TENM3: variants seen among roughly 807,000 people sequenced by gnomAD.
The protein encoded by TENM3 is teneurin-3.
A neutral mutation model predicts 255.1 loss-of-function variants in TENM3; 63 were observed. The ratio of observed to expected loss-of-function variants is 0.25; its 90% confidence interval spans 0.20 to 0.30. The LOEUF (loss-of-function observed/expected upper bound fraction) is 0.30. Ranked by LOEUF, TENM3 falls within the 10% of genes least tolerant of loss-of-function variation. The pLI, the probability that TENM3 is intolerant of heterozygous loss-of-function variation, is 1.00. For synonymous variants in TENM3, 1,306 were observed against 1,322.3 expected (o/e 0.99, Z 0.27); for missense variants, 2,929 against 3,461.1 (o/e 0.85, Z 3.86).
At chr4:182,106,030 G>A in the TENM3 span, among the ~76,000 whole-genome samples, 3 of 152,190 alleles carry the variant, frequency 2.0e-5, no homozygotes, top group East Asian at 5.8e-4. Context: ...GGGATGGCTA[G>A]CCTTCACCTT....
chr4:182,497,782 C>T (rs1735916754), intron 3 of TENM3, among the ~76,000 whole-genome samples: 1 of 148,980 alleles, frequency 6.7e-6, no homozygotes, highest in Non-Finnish European at 1.5e-5. Context: ...GACATTTAAA[C>T]ATAGATTATG....
At chr4:181,553,600 C>T in the TENM3 span, among the ~76,000 whole-genome samples, 1 of 151,894 alleles carries the variant, frequency 6.6e-6, no homozygotes, top group African/African-American at 2.4e-5. Context: ...TGCCACCACG[C>T]CCGGCTAATT....
the TENM3 span, among the ~76,000 whole-genome samples, chr4:181,608,163 C>T: frequency 1.3e-5 from 2 of 152,114 alleles, no homozygotes; most frequent in Non-Finnish European, 2.9e-5. Context: ...GCCTCTGTAA[C>T]CCCAATTTCT....
chr4:181,462,857 C>T, the TENM3 span, among the ~76,000 whole-genome samples: 2 of 152,264 alleles, frequency 1.3e-5, no homozygotes, highest in South Asian at 2.1e-4. Flanking sequence ...TGCATCACTA[C>T]ATAATGTGTT....
chr4:181,711,646 G>A, the TENM3 span, among the ~76,000 whole-genome samples: 2 of 152,312 alleles, frequency 1.3e-5, no homozygotes, highest in African/African-American at 2.4e-5. Flanking sequence ...CAAAGTTAAA[G>A]GAAACCCAAC....
chr4:181,695,363 T>A, the TENM3 span, among the ~76,000 whole-genome samples: 1 of 152,186 alleles, frequency 6.6e-6, no homozygotes, highest in Non-Finnish European at 1.5e-5. Context: ...GGAGCAGTGA[T>A]GTGAACAATT....
the TENM3 span, among the ~76,000 whole-genome samples, chr4:181,915,703 G>A: frequency 6.6e-5 from 10 of 150,610 alleles, no homozygotes; most frequent in African/African-American, 2.2e-4. Context: ...GAGGGGAGGA[G>A]AGAAAAGAGG....
intron 12 of TENM3, among the ~76,000 whole-genome samples, chr4:182,690,326 A>AT (rs1356331320): frequency 6.6e-6 from 1 of 152,208 alleles, no homozygotes; most frequent in Non-Finnish European, 1.5e-5. Flanking sequence ...CAGGTTGTTC[A>AT]TGTGAACTAC....
At chr4:182,770,996 C>T (rs1218480995) in intron 22 of TENM3, among the ~76,000 whole-genome samples, 1 of 152,202 alleles carries the variant, frequency 6.6e-6, no homozygotes, top group Non-Finnish European at 1.5e-5. Flanking sequence ...GCTTAACCCT[C>T]TGTCATTCTA....
intron 12 of TENM3, among the ~76,000 whole-genome samples, chr4:182,703,721 T>C (rs2152647005): frequency 6.6e-6 from 1 of 152,358 alleles, no homozygotes; most frequent in South Asian, 2.1e-4. Context: ...TCAGTTTTGT[T>C]TATTATTTTC....
the TENM3 span, among the ~76,000 whole-genome samples, chr4:181,543,732 T>C: frequency 0.02 from 3,103 of 152,302 alleles, 92 homozygotes; most frequent in African/African-American, 0.071. Flanking sequence ...AGAAATTATT[T>C]TGTAAGGTAG....
intron 3 of TENM3, among the ~76,000 whole-genome samples, chr4:182,494,803 T>C (rs894905670): frequency 6.6e-6 from 1 of 152,236 alleles, no homozygotes; most frequent in Non-Finnish European, 1.5e-5. Context: ...TTCTAAACTT[T>C]CATAGTTTGG....
At chr4:182,194,056 A>G (rs1753692236) in intron 1 of TENM3, among the ~76,000 whole-genome samples, 2 of 152,344 alleles carry the variant, frequency 1.3e-5, no homozygotes, top group Non-Finnish European at 2.9e-5. Flanking sequence ...ACCATTGCTC[A>G]GGATTATGCC....
rs528354797 is a variant in TENM3 at position 182,461,284 on chromosome 4, G to A, written c.511+114355G>A. Among the ~76,000 whole-genome samples, 3 of 152,288 alleles carry A rather than the reference G, an allele frequency of 2.0e-5. No homozygotes were observed. In the South Asian group the frequency reaches 6.2e-4, roughly 32 times the overall value. On this transcript the variant is annotated intron_variant, in intron 3 of 27. Transcript: ENST00000511685. The stretch of plus-strand genomic sequence containing the variant: ...ATGCTTGAGTCTGATTGAAGTACAG[G>A]TAGGCTTATGGACAAGTGACAGGAG...
chr4:182,014,613 T>TAAATTAGAC, the TENM3 span, among the ~76,000 whole-genome samples: 1 of 19,538 alleles, frequency 5.1e-5, no homozygotes. Context: ...GCACATTAGA[T>TAAATTAGAC]TTATTAAATT....
the TENM3 span, among the ~76,000 whole-genome samples, chr4:181,474,141 TCA>T: frequency 1.3e-5 from 2 of 151,650 alleles, no homozygotes; most frequent in East Asian, 1.9e-4. Context: ...GAAGGGAACA[TCA>T]CACACACACC....
At chr4:181,533,188 T>C in the TENM3 span, among the ~76,000 whole-genome samples, 2 of 152,028 alleles carry the variant, frequency 1.3e-5, no homozygotes, top group Non-Finnish European at 2.9e-5. Flanking sequence ...CTGGTGTCTA[T>C]AGTGAGGAAA....
Position 182,775,085 on chromosome 4 carries a change from T to A in TENM3, c.5236T>A (p.Leu1746Met). 1 of 1,613,968 alleles carries A rather than the reference T, an allele frequency of 6.2e-7. No individual in the cohort carries two copies. The change falls in exon 24 of 28, where the codon TTG becomes ATG. Residue 1746 changes from leucine (L) to methionine (M), a missense_variant. This residue lies in a region of TENM3 where 303 missense variants were observed against 425.2 expected (regional missense o/e 0.71). Coordinates refer to ENST00000511685, the MANE Select transcript of TENM3 (RefSeq NM_001080477.4). ...TTTGCCTGGCGAGAACGGTCAAAAC[T>A]TGGTGGAATGGAGATTCCGAAAAGA... ...MTLPGENGQN[L>M]VEWRFRKEQA...
In TENM3 at chr4:182,681,832, G is replaced by C. The variant is rs1459104919; in HGVS notation, c.1853G>C (p.Gly618Ala). Residue 618 changes from glycine to alanine, a missense_variant, in exon 11 of 28, where the codon GGG (glycine) becomes GCG (alanine). Gly to Ala is a moderately conservative substitution (Grantham distance 60). Around this residue, in one of 6 missense-constraint regions of TENM3, gnomAD observed 1,608 missense variants for 1,884.4 expected, o/e 0.85. Transcript: ENST00000511685. Reference protein sequence around the residue: ...SCEEADCIDPGCSNHGVCIHG... With the variant: ...SCEEADCIDPACSNHGVCIHG... ...ACACCAGCTGACTGTATAGACCCTG[G>C]GTGTTCTAATCATGGTGTGTGTATC... 1 of 1,613,436 alleles carries C rather than the reference G, an allele frequency of 6.2e-7. No homozygotes were observed. The highest frequency in any genetic ancestry group is 1.1e-5 in the South Asian group (1 of 90,942).
Sources: gnomAD v4.1 joint callset for allele counts (sites outside exome capture counted in the v4.1 genomes callset) on GRCh38, gnomAD v4.1.1 for gene constraint, gnomAD v4.1.1 regional missense constraint, MANE v1.5 for transcripts, NCBI Gene and HGNC (gene_info 2026-07-23, HGNC 2026-07-21) for gene names.